The following AVIL variants were observed in gnomAD, a reference collection of about 807,000 sequenced individuals.
The protein encoded by AVIL is advillin.
AVIL carries 78 observed loss-of-function variants against 109.9 expected under a neutral mutation model. That is an observed-to-expected ratio of 0.71 (90% CI 0.59 to 0.86). The LOEUF (loss-of-function observed/expected upper bound fraction) is 0.86. Among genes scored for constraint, AVIL ranks in the 40% least tolerant of loss-of-function variants. The probability of loss-of-function intolerance (pLI) is 0.00; values close to 1 mark genes in which losing one functional copy is unlikely to be tolerated. For synonymous variants in AVIL, 367 were observed against 379.1 expected (o/e 0.97, Z 0.37); for missense variants, 892 against 1,016.5 (o/e 0.88, Z 1.67).
At chr12:57,810,286 T>C in intron 7 of AVIL, 63 bp downstream of exon 7, 1 of 1,552,684 alleles carries the variant, frequency 6.4e-7, no homozygotes. Context: ...AGGTGGCTGG[T>C]GTTCTAGGGG....
intron 19 of AVIL, among the ~76,000 whole-genome samples, chr12:57,799,495 C>T (rs1020828771): frequency 6.6e-6 from 1 of 151,996 alleles, no homozygotes; most frequent in Non-Finnish European, 1.5e-5. Context: ...GTGTGGGGAA[C>T]GGATTGTAGG....
chr12:57,815,785 A>G (rs1956094526), intron 2 of AVIL, 190 bp downstream of exon 2: 2 of 1,471,208 alleles, frequency 1.4e-6, no homozygotes, highest in African/African-American at 1.4e-5. Flanking sequence ...CATTTCCTCC[A>G]CCTGCCAACC....
intron 14 of AVIL, 130 bp from the exon 15 acceptor site, chr12:57,803,799 AAGAC>A (rs764697046): frequency 1.4e-4 from 179 of 1,264,234 alleles, no homozygotes; most frequent in Non-Finnish European, 1.8e-4. Context: ...TCAGCCTGGG[AAGAC>A]AGACAAGTTT....
intron 4 of AVIL, 84 bp from the exon 5 acceptor site, chr12:57,811,211 C>G: frequency 7.8e-7 from 1 of 1,280,012 alleles, no homozygotes; most frequent in East Asian, 2.3e-5. Flanking sequence ...CAGATGCAGC[C>G]TCACTCATGT....
chr12:57,808,024 C>G (rs550664027), intron 11 of AVIL, 170 bp downstream of exon 11: 10 of 846,194 alleles, frequency 1.2e-5, no homozygotes, highest in Middle Eastern at 5.6e-4. Flanking sequence ...ATGTGCCTTT[C>G]ACTACCCTGA....
Position 57,797,893 on chromosome 12 carries a change from C to T in AVIL, c.2449G>A (p.Gly817Arg), listed in dbSNP as rs201808188. ...TAGGCCTTCTTGCTTTAGAAAAGCC[C>T]CTTTTCTTTCTTCATTTGGAGCTGT... Reference protein sequence around the residue: ...WKQLQMKKEKGLF With the variant: ...WKQLQMKKEKRLF The change falls in exon 20 of 20, where the codon GGG becomes AGG. Residue 817 changes from glycine to arginine, a missense_variant. Gly to Arg is a moderately radical substitution (Grantham distance 125, BLOSUM62 -2). Transcript: ENST00000549994. 8.1e-6 allele frequency: 13 copies of T among 1,611,782 alleles called. No homozygotes were observed. In the East Asian group the frequency reaches 1.6e-4, roughly 19 times the overall value.
In AVIL at chr12:57,813,313, G is replaced by C. The variant is rs1406920479; in HGVS notation, c.252C>G (p.Asp84Glu). The C allele has an allele frequency of 5.6e-6, 9 of 1,614,134 alleles. No individual in the cohort carries two copies. In the African/African-American group the frequency reaches 1.1e-4, roughly 19 times the overall value. ...CAAIYTTQLD[D>E]YLGGSPVQHR... ...GCTGCACAGGGCTGCCTCCCAGGTA[G>C]TCGTCCAGCTGTGTGGTATATATGG... Residue 84 changes from aspartate (D) to glutamate (E), a missense_variant, in exon 4 of 20, where the codon GAC becomes GAG. Transcript: ENST00000549994.
chr12:57,800,897 C>T (rs190045998), intron 18 of AVIL, among the ~76,000 whole-genome samples: 7 of 152,290 alleles, frequency 4.6e-5, no homozygotes, highest in South Asian at 2.1e-4. Flanking sequence ...CATGAGCCAC[C>T]GCGCCCGGCC....
In AVIL at chr12:57,801,125, A is replaced by G. The variant is rs1401138399; in HGVS notation, c.2220+19T>C. ...GTTGCCCATGTGGCTGGCTTCTCCC[A>G]AGAGCGAACCCGACTCACAGCAGTG... On this transcript the variant is annotated intron_variant, in intron 18 of 19. Transcript: ENST00000549994. The G allele has an allele frequency of 1.2e-6, 2 of 1,611,556 alleles. No homozygotes were observed. The highest frequency in any genetic ancestry group is 2.2e-5 in the South Asian group (2 of 90,856).
rs150762636 is a variant in AVIL, at chr12:57,810,898, C to T, written c.476G>A (p.Arg159Gln). The T allele has an allele frequency of 2.5e-5, 40 of 1,614,176 alleles. No individual in the cohort carries two copies. The highest frequency in any genetic ancestry group is 1.3e-4 in the Admixed American group (8 of 60,016). ...AAGGTCCAGCAAGAAGACATCACCT[C>T]GGTTGAAACTGTCCCAGCTCATTTC... ...EVEMSWDSFN[R>Q]GDVFLLDLGK... The change falls in exon 6 of 20, where the codon CGA becomes CAA. Residue 159 changes from arginine to glutamine, a missense_variant. Coordinates refer to ENST00000549994, the MANE Select transcript of AVIL (RefSeq NM_006576.4).
intron 1 of AVIL, 161 bp from the exon 2 acceptor site, chr12:57,816,220 T>A: frequency 1.7e-6 from 1 of 605,658 alleles, no homozygotes; most frequent in Non-Finnish European, 2.8e-6. Flanking sequence ...CAAGGACTTG[T>A]CCAAGTGCAC....
chr12:57,807,396 C>G lies in AVIL; in HGVS notation c.1426G>C (p.Val476Leu). 1.9e-6 allele frequency: 3 copies of G among 1,614,246 alleles called. No individual in the cohort carries two copies. Among genetic ancestry groups the G allele is most frequent in the Non-Finnish European group, 2.5e-6 (3 of 1,180,044 alleles). Residue 476 changes from valine (V) to leucine (L), a missense_variant, in exon 13 of 20, where the codon GTC becomes CTC. Val to Leu is a conservative substitution (Grantham distance 32). Transcript: ENST00000549994. Reference sequence around the variant, plus strand: ...TGGCGTGGCTCCGTTCCCATCCTGACTCGAACCTGCACAGCAGCCCCATCA... The same window carrying G: ...TGGCGTGGCTCCGTTCCCATCCTGAGTCGAACCTGCACAGCAGCCCCATCA... The part of the protein sequence containing the change: ...QFDGAAVQVR[V>L]RMGTEPRHFM...
At chr12:57,808,823 C>T (rs527910370) in intron 9 of AVIL, 16 of 413,404 alleles carry the variant, frequency 3.9e-5, no homozygotes, top group African/African-American at 2.0e-4. Flanking sequence ...TACTTTTGTC[C>T]TTACTGACTT....
intron 16 of AVIL, chr12:57,802,656 C>T (rs1162980245): frequency 6.0e-6 from 4 of 661,728 alleles, no homozygotes; most frequent in South Asian, 5.0e-5. Flanking sequence ...TTAAAAATAA[C>T]ACCTTCAGGA....
At position 57,810,435 on chromosome 12, in the gene AVIL, G is replaced by A; in HGVS notation, c.675C>T (p.Asp225=). ...ASPELMKVLQ[D]TLGRRSIIKP... ...TGATAATGGAGCGTCGGCCAAGGGT[G>A]TCCTGAAGGACCTTCATCAGCTCTG... The change falls in exon 7 of 20, where the codon GAC becomes GAT. Residue 225 remains aspartate (D), a synonymous_variant. Coordinates refer to ENST00000549994, the MANE Select transcript of AVIL (RefSeq NM_006576.4). The A allele has an allele frequency of 2.5e-6, 4 of 1,614,182 alleles. No individual in the cohort carries two copies. Among genetic ancestry groups the A allele is most frequent in the South Asian group, 1.1e-5 (1 of 91,086 alleles).
At position 57,799,727 on chromosome 12, in the gene AVIL, T is replaced by C. The variant is rs1955807847; in HGVS notation, c.2346+68A>G. 3 of 1,603,716 alleles carry C rather than the reference T, an allele frequency of 1.9e-6. No individual in the cohort carries two copies. In the East Asian group the frequency reaches 6.7e-5, roughly 36 times the overall value. On this transcript the variant is annotated intron_variant, in intron 19 of 19. Transcript: ENST00000549994. ...TGTGCCGGAGCTGTCCTAGGCCATT[T>C]GCTGAGCTGAGTTTTTTACTCACGG...
chr12:57,798,131 TG>T (rs1322090471), intron 19 of AVIL, 136 bp from the exon 20 acceptor site: 7 of 530,390 alleles, frequency 1.3e-5, no homozygotes, highest in African/African-American at 2.0e-5. Flanking sequence ...TCAGAAAGGC[TG>T]TTAAAGATTT....
chr12:57,807,845 C>T (rs1955974984), intron 11 of AVIL, 118 bp from the exon 12 acceptor site: 1 of 1,406,932 alleles, frequency 7.1e-7, no homozygotes, highest in Admixed American at 1.7e-5. Flanking sequence ...TTCCCTTTCT[C>T]CCTCTGGTTC....
chr12:57,814,341 T>C lies in AVIL; in HGVS notation c.67-115A>G, dbSNP rs1956075464. ...TGGTGGGGAGAAGGAGGGGAGATGT[T>C]CTCAATGACCTTACAGGATGTGAGG... On this transcript the variant is annotated intron_variant, in intron 2 of 19. Transcript: ENST00000549994. 5 of 1,045,358 alleles carry C rather than the reference T, an allele frequency of 4.8e-6. No homozygotes were observed. The Admixed American group carries it at 8.8e-5, about 18-fold the overall frequency. The allele number at this position is 1,045,358 out of a possible 1,614,324, so 64.8% of individuals were successfully genotyped here. A position where few individuals can be genotyped will look rare whatever the true frequency, so the allele number is the denominator to read the frequency against.
Sources: allele counts gnomAD v4.1 joint callset (sites outside exome capture counted in the v4.1 genomes callset), GRCh38; gene constraint gnomAD v4.1.1; transcripts MANE v1.5; gene names NCBI Gene and HGNC (gene_info 2026-07-23, HGNC 2026-07-21).